MARCHF3: variants seen among roughly 807,000 people sequenced by gnomAD.
The protein encoded by MARCHF3 is membrane associated ring-CH-type finger 3.
A neutral mutation model predicts 24.2 loss-of-function variants in MARCHF3; 13 were observed. That is an observed-to-expected ratio of 0.54 (90% CI 0.35 to 0.85). MARCHF3 has a LOEUF of 0.85. MARCHF3 is among the 40% of genes least tolerant of loss of function. MARCHF3 has a pLI of 0.01. For missense variants in MARCHF3, 276 were observed against 325.0 expected, an observed-to-expected ratio of 0.85 and a Z score of 1.16; for synonymous variants, 144 against 137.3, an observed-to-expected ratio of 1.05 and a Z score of -0.34.
intron 1 of MARCHF3, among the ~76,000 whole-genome samples, chr5:126,935,327 C>T (rs962598497): frequency 3.3e-5 from 5 of 152,110 alleles, no homozygotes; most frequent in African/African-American, 1.2e-4. Context: ...AAAATGCTGA[C>T]CCTCCCCCAA....
chr5:126,971,531 T>C (rs1180389324), intron 1 of MARCHF3, among the ~76,000 whole-genome samples: 8 of 152,184 alleles, frequency 5.3e-5, no homozygotes, highest in East Asian at 3.9e-4. Flanking sequence ...AGGTCTATTG[T>C]ACCTTAAGCT....
chr5:126,969,242 AG>A lies in MARCHF3; in HGVS notation c.-56-51016del, dbSNP rs1310409402. Among the ~76,000 whole-genome samples, 10 of 152,344 alleles carry A rather than the reference AG, an allele frequency of 6.6e-5. No individual in the cohort carries two copies. In the East Asian group the frequency reaches 1.3e-3, roughly 21 times the overall value. On this transcript the variant is annotated intron_variant, in intron 1 of 4. Coordinates refer to ENST00000308660, the MANE Select transcript of MARCHF3 (RefSeq NM_178450.5). The stretch of plus-strand genomic sequence containing the variant: ...TGATGGCCTCCAAGAGTTTAGAAAA[AG>A]GTATGAGCTTTGATGCACAATTTTA...
At chr5:126,946,761 G>T (rs371089472) in intron 1 of MARCHF3, among the ~76,000 whole-genome samples, 1 of 136,046 alleles carries the variant, frequency 7.4e-6, no homozygotes, top group African/African-American at 2.8e-5. Context: ...TGTAAGTAGG[G>T]GTGTGTGTGT....
Position 126,910,253 on chromosome 5 carries a change from A to G in MARCHF3, c.393+4677T>C, listed in dbSNP as rs372043048. On this transcript the variant is annotated intron_variant, in intron 3 of 4. Transcript: ENST00000308660. The stretch of plus-strand genomic sequence containing the variant: ...AGGCAAGGGTGGATGTTATGAATAC[A>G]TGTCTTAGGAGAGTCTCAAAGCCTA... 1.8e-4 allele frequency among the ~76,000 whole-genome samples: 27 copies of G among 152,330 alleles called. No homozygotes were observed. The East Asian group carries it at 2.9e-3, about 16-fold the overall frequency.
chr5:126,969,150 G>A lies in MARCHF3; in HGVS notation c.-56-50923C>T, dbSNP rs538014646. On this transcript the variant is annotated intron_variant, in intron 1 of 4. Transcript: ENST00000308660. ...TCTTACAATTAGTTCTTATGCATCT[G>A]AATTTTTAAAAAACTTATGTACTTC... Among the ~76,000 whole-genome samples, 9 of 152,276 alleles carry A rather than the reference G, an allele frequency of 5.9e-5. No individual in the cohort carries two copies. The South Asian group carries it at 1.9e-3, about 32-fold the overall frequency.
chr5:126,998,960 A>G (rs1580720499), intron 1 of MARCHF3, among the ~76,000 whole-genome samples: 1 of 152,354 alleles, frequency 6.6e-6, no homozygotes, highest in East Asian at 1.9e-4. Flanking sequence ...TTAGGAGGAA[A>G]GTATGTGTGC....
At chr5:126,907,586 G>T (rs1310269463) in intron 3 of MARCHF3, among the ~76,000 whole-genome samples, 1 of 151,114 alleles carries the variant, frequency 6.6e-6, no homozygotes, top group East Asian at 1.9e-4. Context: ...GGCCTTCTTT[G>T]TCTCTTTTGA....
chr5:126,885,375 C>G (rs1166842196), intron 3 of MARCHF3, among the ~76,000 whole-genome samples: 1 of 152,012 alleles, frequency 6.6e-6, no homozygotes, highest in Non-Finnish European at 1.5e-5. Flanking sequence ...TGAGACCAGC[C>G]TAACCAACAT....
chr5:126,915,125 A>T lies in MARCHF3; in HGVS notation c.198T>A (p.Asn66Lys), dbSNP rs1445122642. ...VRTLATQSPF[N>K]DRPMCRICHE... ...GGCAGATCCTGCACATCGGCCGGTC[A>T]TTGAAGGGGCTGCAAGAGAAGGAGG... Residue 66 changes from asparagine to lysine, a missense_variant, in exon 3 of 5, where the codon AAT becomes AAA. By Grantham distance (94) the Asn-to-Lys change is moderately conservative (BLOSUM62 0). Coordinates refer to ENST00000308660, the MANE Select transcript of MARCHF3 (RefSeq NM_178450.5). The T allele has an allele frequency of 6.2e-7, 1 of 1,613,462 alleles. No homozygotes were observed. Among genetic ancestry groups the T allele is most frequent in the Non-Finnish European group, 8.5e-7 (1 of 1,180,024 alleles).
Position 126,904,528 on chromosome 5 carries a change from T to C in MARCHF3, c.393+10402A>G, listed in dbSNP as rs554419912. Among the ~76,000 whole-genome samples, 2 of 149,208 alleles carry C rather than the reference T, an allele frequency of 1.3e-5. 1 individual carries two copies. Among genetic ancestry groups the C allele is most frequent in the African/African-American group, 5.1e-5 (2 of 39,314 alleles). ...ATTCTAACTGGTGTGAGATGGTATC[T>C]CATTGTGGCTTTGATTTGTGTTTCT... On this transcript the variant is annotated intron_variant, in intron 3 of 4. Coordinates refer to ENST00000308660, the MANE Select transcript of MARCHF3 (RefSeq NM_178450.5).
chr5:126,954,774 C>T (rs186124762), intron 1 of MARCHF3, among the ~76,000 whole-genome samples: 1 of 151,226 alleles, frequency 6.6e-6, no homozygotes, highest in East Asian at 1.9e-4. Flanking sequence ...ATTTGTACTT[C>T]AGATGAATTT....
intron 1 of MARCHF3, among the ~76,000 whole-genome samples, chr5:127,009,194 C>T (rs1028759121): frequency 5.3e-5 from 8 of 152,254 alleles, no homozygotes; most frequent in Admixed American, 1.3e-4. Flanking sequence ...TAAGCATTCT[C>T]GTAACCAGAA....
At chr5:126,903,838 G>A (rs1754187340) in intron 3 of MARCHF3, among the ~76,000 whole-genome samples, 1 of 151,918 alleles carries the variant, frequency 6.6e-6, no homozygotes, top group Admixed American at 6.6e-5. Flanking sequence ...ATACTTTTAA[G>A]TTTCAGGGTA....
intron 1 of MARCHF3, among the ~76,000 whole-genome samples, chr5:126,935,601 CTTTTT>C (rs202058243): frequency 0.016 from 1,095 of 70,474 alleles, 6 homozygotes; most frequent in African/African-American, 0.056. Context: ...GTATATATGG[CTTTTT>C]TTTTTTTTTT....
intron 1 of MARCHF3, among the ~76,000 whole-genome samples, chr5:126,946,749 C>CT (rs573473745): frequency 2.6e-3 from 241 of 93,038 alleles, no homozygotes; most frequent in African/African-American, 9.1e-3. Context: ...GAGAGGGACT[C>CT]GTGTAAGTAG....
At chr5:126,873,641 G>A (rs1753047551) in intron 4 of MARCHF3, among the ~76,000 whole-genome samples, 1 of 152,232 alleles carries the variant, frequency 6.6e-6, no homozygotes, top group South Asian at 2.1e-4. Flanking sequence ...AACACAGGGA[G>A]TCAGCGACTT....
At chr5:127,005,133 C>CT (rs937505290) in intron 1 of MARCHF3, among the ~76,000 whole-genome samples, 30,455 of 122,008 alleles carry the variant, frequency 0.25, 4,921 homozygotes, top group Non-Finnish European at 0.32. Flanking sequence ...CTCAGAAAGT[C>CT]TTTTTTTTTT....
At chr5:126,917,956 G>A in intron 2 of MARCHF3, 28 bp downstream of exon 2, 1 of 1,600,708 alleles carries the variant, frequency 6.2e-7, no homozygotes, top group Non-Finnish European at 8.5e-7. Flanking sequence ...ATCAATTACA[G>A]ATTCATTTAT....
intron 4 of MARCHF3, among the ~76,000 whole-genome samples, chr5:126,873,080 T>C (rs915337782): frequency 1.3e-5 from 2 of 152,164 alleles, no homozygotes; most frequent in Non-Finnish European, 2.9e-5. Context: ...AGAGTCCCCT[T>C]TTCCATGATG....
Sources: gnomAD v4.1 joint callset for allele counts (sites outside exome capture counted in the v4.1 genomes callset) on GRCh38, gnomAD v4.1.1 for gene constraint, MANE v1.5 for transcripts, NCBI Gene and HGNC (gene_info 2026-07-23, HGNC 2026-07-21) for gene names.